Variants in SUGCT observed in about 807,000 individuals in gnomAD.
SUGCT encodes the protein succinyl-CoA:glutarate-CoA transferase.
SUGCT carries 41 observed loss-of-function variants against 55.0 expected under a neutral mutation model. The observed-to-expected ratio is 0.74, with a 90% CI of 0.58 to 0.97. The LOEUF (loss-of-function observed/expected upper bound fraction) is 0.97, where lower values mean the gene tolerates loss of function less well. Ranked by LOEUF, SUGCT falls within the 50% of genes least tolerant of loss-of-function variation. SUGCT has a pLI of 0.00. For synonymous variants in SUGCT, 187 were observed against 200.4 expected (o/e 0.93, Z 0.56); for missense variants, 568 against 547.8 (o/e 1.04, Z -0.37).
the SUGCT span, among the ~76,000 whole-genome samples, chr7:40,968,370 C>T: frequency 6.6e-6 from 1 of 152,348 alleles, no homozygotes; most frequent in Admixed American, 6.5e-5. Context: ...GTGAGGAGGG[C>T]TGCTTCCAGC....
At chr7:40,428,492 G>A (rs1787715639) in intron 9 of SUGCT, among the ~76,000 whole-genome samples, 1 of 149,522 alleles carries the variant, frequency 6.7e-6, no homozygotes, top group East Asian at 2.0e-4. Flanking sequence ...ATTTATTTTT[G>A]TAGTTGCTCT....
chr7:40,882,176 G>GA, the SUGCT span, among the ~76,000 whole-genome samples: 2 of 152,150 alleles, frequency 1.3e-5, no homozygotes, highest in Admixed American at 6.5e-5. Context: ...AATTATGGAG[G>GA]AAAAATCCAT....
chr7:40,216,469 C>T (rs373972036), intron 6 of SUGCT, among the ~76,000 whole-genome samples: 2 of 140,752 alleles, frequency 1.4e-5, no homozygotes, highest in East Asian at 2.1e-4. Flanking sequence ...CACTACATTC[C>T]GGCCTGGGCG....
At chr7:40,399,503 C>T (rs1435240997) in intron 9 of SUGCT, among the ~76,000 whole-genome samples, 1 of 152,118 alleles carries the variant, frequency 6.6e-6, no homozygotes, top group Non-Finnish European at 1.5e-5. Context: ...CATTTTCAGA[C>T]CCAGCTTCTA....
chr7:40,233,875 A>G (rs1788859574), intron 6 of SUGCT, among the ~76,000 whole-genome samples: 2 of 152,300 alleles, frequency 1.3e-5, no homozygotes, highest in South Asian at 2.1e-4. Context: ...GGAAGATTGA[A>G]TGAATTGTCA....
intron 12 of SUGCT, among the ~76,000 whole-genome samples, chr7:40,736,829 G>T (rs1203724): frequency 0.37 from 56,641 of 151,818 alleles, 13,574 homozygotes; most frequent in African/African-American, 0.69. Flanking sequence ...CAACTTACTA[G>T]GAGAACTTAC....
At chr7:40,656,071 T>G (rs1325502175) in intron 12 of SUGCT, among the ~76,000 whole-genome samples, 1 of 152,118 alleles carries the variant, frequency 6.6e-6, no homozygotes, top group Non-Finnish European at 1.5e-5. Flanking sequence ...GCTATACAAT[T>G]TAATATAATA....
At chr7:40,962,610 C>T in the SUGCT span, among the ~76,000 whole-genome samples, 8 of 122,340 alleles carry the variant, frequency 6.5e-5, no homozygotes, top group South Asian at 1.7e-3. Context: ...CACACACACA[C>T]ATCAGAAAAA....
chr7:40,994,647 G>T, the SUGCT span, among the ~76,000 whole-genome samples: 1 of 152,182 alleles, frequency 6.6e-6, no homozygotes, highest in Non-Finnish European at 1.5e-5. Flanking sequence ...CATGTGGTCT[G>T]CTAAAATTTG....
chr7:40,213,300 C>T (rs1051684211), intron 6 of SUGCT, among the ~76,000 whole-genome samples: 2 of 152,124 alleles, frequency 1.3e-5, no homozygotes, highest in African/African-American at 4.8e-5. Context: ...CTCAGTCTTT[C>T]CTTGTTTTTT....
At chr7:40,316,955 G>GT (rs56989808) in intron 9 of SUGCT, 100 bp downstream of exon 9, 12,338 of 188,586 alleles carry the variant, frequency 0.065, 115 homozygotes, top group East Asian at 0.12. Context: ...TCCTTCAGCT[G>GT]TTTTTTTTTT....
chr7:40,942,496 T>C, the SUGCT span, among the ~76,000 whole-genome samples: 25 of 152,132 alleles, frequency 1.6e-4, no homozygotes, highest in African/African-American at 5.8e-4. Context: ...TCATAATTCT[T>C]TCCTTTACAT....
chr7:40,347,830 A>C (rs1160601600), intron 9 of SUGCT, among the ~76,000 whole-genome samples: 1 of 152,248 alleles, frequency 6.6e-6, no homozygotes, highest in South Asian at 2.1e-4. Flanking sequence ...AAATCTGTTC[A>C]GATCATTTAT....
rs1205413580 is a variant in SUGCT at position 40,290,083 on chromosome 7, A to G, written c.720+15427A>G. The stretch of plus-strand genomic sequence containing the variant: ...ATCATGAAAATGGCCATACTGCCCA[A>G]GGTAATTTATAGATTCAATGCCATC... On this transcript the variant is annotated intron_variant, in intron 8 of 13. Transcript: ENST00000335693. Among the ~76,000 whole-genome samples the G allele has an allele frequency of 3.3e-5, 5 of 152,234 alleles. No individual in the cohort carries two copies. The East Asian group carries it at 9.6e-4, about 29-fold the overall frequency.
At chr7:40,590,819 A>G (rs946822590) in intron 12 of SUGCT, among the ~76,000 whole-genome samples, 5 of 152,244 alleles carry the variant, frequency 3.3e-5, no homozygotes, top group Non-Finnish European at 2.9e-5. Context: ...TGCTCCGTAC[A>G]TGGAACAACA....
chr7:40,151,734 A>G (rs754351305), intron 1 of SUGCT: 17 of 164,476 alleles, frequency 1.0e-4, no homozygotes, highest in Non-Finnish European at 2.0e-4. Context: ...TCAAGTCACT[A>G]TGTAACTGCC....
rs1278134476 is a variant in SUGCT, at chr7:40,382,432, T to G, written c.816+65577T>G. ...ATTTGGCACTTCCACTCCACTTTAT[T>G]GGATAGGAAGAGGTAATGGGTCACT... On this transcript the variant is annotated intron_variant, in intron 9 of 13. Transcript: ENST00000335693. Among the ~76,000 whole-genome samples, 5 of 152,144 alleles carry G rather than the reference T, an allele frequency of 3.3e-5. No homozygotes were observed. In the East Asian group the frequency reaches 7.7e-4, roughly 23 times the overall value.
intron 9 of SUGCT, among the ~76,000 whole-genome samples, chr7:40,437,071 C>G (rs1310734188): frequency 6.6e-6 from 1 of 152,108 alleles, no homozygotes; most frequent in Non-Finnish European, 1.5e-5. Context: ...TACCTTGTGC[C>G]CAAGATACAT....
intron 13 of SUGCT, among the ~76,000 whole-genome samples, chr7:40,830,530 A>G (rs1310647391): frequency 6.6e-6 from 1 of 151,642 alleles, no homozygotes; most frequent in Non-Finnish European, 1.5e-5. Flanking sequence ...TCTGTGGCTC[A>G]CTCCCACTCC....
Sources: allele counts gnomAD v4.1 joint callset (sites outside exome capture counted in the v4.1 genomes callset), GRCh38; gene constraint gnomAD v4.1.1; transcripts MANE v1.5; gene names NCBI Gene and HGNC (gene_info 2026-07-23, HGNC 2026-07-21).